CTNNA2: variants seen among roughly 807,000 people sequenced by gnomAD.
CTNNA2 encodes the protein catenin alpha-2.
In CTNNA2, 42 loss-of-function variants were observed where a neutral mutation model predicts 101.0. That is an observed-to-expected ratio of 0.42 (90% confidence interval 0.32 to 0.54). The LOEUF is 0.54. CTNNA2 is among the 20% of genes least tolerant of loss of function. The pLI is 0.14. For missense variants in CTNNA2, 871 were observed against 1,223.1 expected (o/e 0.71, Z 4.29); for synonymous variants, 450 against 456.4 (o/e 0.99, Z 0.18).
At chr2:80,619,266 G>A (rs1476500852) in intron 18 of CTNNA2, 38 bp downstream of exon 18, 1 of 1,463,932 alleles carries the variant, frequency 6.8e-7, no homozygotes, top group Non-Finnish European at 9.1e-7. Context: ...GTCTTTCATT[G>A]TAATCATGAA....
At chr2:79,512,091 TG>T (rs1671559779), upstream of CTNNA2, among the ~76,000 whole-genome samples, 1 of 152,202 alleles carries the variant, frequency 6.6e-6, no homozygotes, top group Non-Finnish European at 1.5e-5. Flanking sequence ...CCTTTTTCAC[TG>T]TTAGCACCTC....
chr2:79,330,316 A>G (rs930591830), intron 3 of CTNNA2, among the ~76,000 whole-genome samples: 2 of 152,208 alleles, frequency 1.3e-5, no homozygotes, highest in African/African-American at 4.8e-5. Context: ...AAGCAAGTTC[A>G]AGACTCAGAG....
intron 9 of CTNNA2, among the ~76,000 whole-genome samples, chr2:80,427,538 G>C (rs549715649): frequency 6.6e-6 from 1 of 152,178 alleles, no homozygotes; most frequent in Non-Finnish European, 1.5e-5. Flanking sequence ...GTAAAGTACA[G>C]CACTGAAGCC....
intron 1 of CTNNA2, among the ~76,000 whole-genome samples, chr2:79,611,715 T>A (rs1279199075): frequency 6.6e-6 from 1 of 152,136 alleles, no homozygotes; most frequent in East Asian, 1.9e-4. Flanking sequence ...TGCCTAGCTT[T>A]CCTGCAGCTA....
At chr2:80,283,731 C>A (rs1674552905) in intron 7 of CTNNA2, among the ~76,000 whole-genome samples, 1 of 151,980 alleles carries the variant, frequency 6.6e-6, no homozygotes, top group Admixed American at 6.6e-5. Context: ...CCCCTGTGCT[C>A]TCTTAGAGCT....
At chr2:79,435,840 G>A (rs111971934) in intron 4 of CTNNA2, among the ~76,000 whole-genome samples, 92 of 152,230 alleles carry the variant, frequency 6.0e-4, no homozygotes, top group African/African-American at 2.0e-3. Context: ...TCATCCGAGT[G>A]AACTGAGAAC....
rs912707109 is a variant in CTNNA2, at chr2:79,395,083, T to C, written c.-135+21070T>C. Among the ~76,000 whole-genome samples the C allele has an allele frequency of 7.2e-5, 11 of 152,112 alleles. No individual in the cohort carries two copies. In the East Asian group the frequency reaches 2.1e-3, roughly 29 times the overall value. On this transcript the variant is annotated intron_variant, in intron 4 of 21. Coordinates refer to the CTNNA2 transcript ENST00000466387. The stretch of plus-strand genomic sequence containing the variant: ...TAAGGGTTTTACCTGTGTAGCCTAG[T>C]GCAATACTTACAACCACCCTTCAAG...
At chr2:79,943,769 T>A (rs1688311411) in intron 7 of CTNNA2, among the ~76,000 whole-genome samples, 1 of 152,210 alleles carries the variant, frequency 6.6e-6, no homozygotes, top group Non-Finnish European at 1.5e-5. Context: ...AAATGAACAT[T>A]GTTTAAGCAA....
At chr2:79,589,379 C>G (rs1676698887) in intron 1 of CTNNA2, among the ~76,000 whole-genome samples, 1 of 152,118 alleles carries the variant, frequency 6.6e-6, no homozygotes, top group Non-Finnish European at 1.5e-5. Flanking sequence ...CAGTTTTCTT[C>G]ATTACAATAC....
intron 4 of CTNNA2, among the ~76,000 whole-genome samples, chr2:79,423,696 A>C (rs1678561724): frequency 6.6e-6 from 1 of 152,216 alleles, no homozygotes; most frequent in Admixed American, 6.5e-5. Flanking sequence ...TTGCAGAATT[A>C]TAGCACGGCT....
intron 7 of CTNNA2, among the ~76,000 whole-genome samples, chr2:80,263,064 A>C (rs1042385511): frequency 1.3e-5 from 2 of 152,104 alleles, no homozygotes; most frequent in Non-Finnish European, 2.9e-5. Context: ...TATTCTTTTA[A>C]CTGAGTGTAT....
At chr2:79,933,247 G>A (rs116660257) in intron 7 of CTNNA2, among the ~76,000 whole-genome samples, 192 of 152,122 alleles carry the variant, frequency 1.3e-3, no homozygotes, top group African/African-American at 4.5e-3. Context: ...AAAAAGGGGC[G>A]GGCAGAGGAA....
chr2:80,009,107 A>G (rs2104007406), intron 7 of CTNNA2, among the ~76,000 whole-genome samples: 1 of 152,310 alleles, frequency 6.6e-6, no homozygotes, highest in East Asian at 1.9e-4. Flanking sequence ...AATTCAGAGG[A>G]CAGAATGAAA....
intron 7 of CTNNA2, among the ~76,000 whole-genome samples, chr2:80,227,646 C>A (rs1034109497): frequency 1.9e-4 from 29 of 152,130 alleles, no homozygotes; most frequent in Non-Finnish European, 3.2e-4. Flanking sequence ...CCTAGGTCCT[C>A]ATGATGTGCA....
intron 7 of CTNNA2, among the ~76,000 whole-genome samples, chr2:80,216,525 G>T (rs1163601658): frequency 6.6e-6 from 1 of 152,180 alleles, no homozygotes; most frequent in Non-Finnish European, 1.5e-5. Flanking sequence ...CGTGAGGGTT[G>T]ATCCCTCATG....
chr2:79,854,444 C>G (rs996286691), intron 3 of CTNNA2, among the ~76,000 whole-genome samples: 2 of 152,178 alleles, frequency 1.3e-5, no homozygotes, highest in African/African-American at 4.8e-5. Flanking sequence ...TTACAGTTGA[C>G]TGGACTGAAA....
chr2:79,700,325 A>C lies in CTNNA2; in HGVS notation c.103-44062A>C, dbSNP rs149444424. The stretch of plus-strand genomic sequence containing the variant: ...GCCTAAGGGAATAGTAAGGTTTGCT[A>C]TCATAGCATTTCTGATGCTGATGCT... On this transcript the variant is annotated intron_variant, in intron 2 of 18. Coordinates refer to ENST00000402739, the MANE Select transcript of CTNNA2 (RefSeq NM_001282597.3). Among the ~76,000 whole-genome samples the C allele has an allele frequency of 3.4e-3, 524 of 152,290 alleles. 3 individuals are homozygous for C. The highest frequency in any genetic ancestry group is 0.012 in the African/African-American group (497 of 41,574).
chr2:80,431,650 G>T (rs768764123), intron 9 of CTNNA2, among the ~76,000 whole-genome samples: 2 of 152,168 alleles, frequency 1.3e-5, no homozygotes, highest in Non-Finnish European at 2.9e-5. Context: ...GTTCTAAATC[G>T]TGAACTGATC....
At chr2:80,636,450 G>T (rs574733521) in intron 18 of CTNNA2, among the ~76,000 whole-genome samples, 1 of 152,182 alleles carries the variant, frequency 6.6e-6, no homozygotes, top group Non-Finnish European at 1.5e-5. Context: ...GGGAGATTTG[G>T]CCTTCAGTGT....
Sources: gnomAD v4.1 joint callset for allele counts (sites outside exome capture counted in the v4.1 genomes callset) on GRCh38, gnomAD v4.1.1 for gene constraint, MANE v1.5 for transcripts, NCBI Gene and HGNC (gene_info 2026-07-23, HGNC 2026-07-21) for gene names.